The following REN variants were observed in gnomAD, a reference collection of about 807,000 sequenced individuals.
The protein encoded by REN is renin.
Under a neutral mutation model 48.6 loss-of-function variants are expected in REN, and 42 were observed. The ratio of observed to expected loss-of-function variants is 0.86; its 90% CI spans 0.68 to 1.12. The LOEUF (loss-of-function observed/expected upper bound fraction) is 1.12. Ranked by LOEUF, REN falls within the 50% of genes most tolerant of loss-of-function variation. The pLI is 0.00. For missense variants in REN, 443 were observed against 527.3 expected, an observed-to-expected ratio of 0.84 and a Z score of 1.57; for synonymous variants, 196 against 204.6, an observed-to-expected ratio of 0.96 and a Z score of 0.36.
chr1:204,163,176 C>G (rs1368118818), intron 1 of REN, among the ~76,000 whole-genome samples: 1 of 152,218 alleles, frequency 6.6e-6, no homozygotes, highest in Non-Finnish European at 1.5e-5. Context: ...CTTTCCCATA[C>G]ACACAAAGAT....
chr1:204,160,925 C>G (rs1219622301), intron 3 of REN, among the ~76,000 whole-genome samples: 1 of 152,062 alleles, frequency 6.6e-6, no homozygotes. Flanking sequence ...ACTGATAACA[C>G]CAGAGAAGAT....
Position 204,161,371 on chromosome 1 carries a change from G to A in REN, c.294C>T (p.Thr98=). Residue 98 remains threonine (T), a synonymous_variant, in exon 3 of 10, where the codon ACC becomes ACT. Transcript: ENST00000272190. ...GEIGIGTPPQ[T]FKVVFDTGSS... The stretch of plus-strand genomic sequence containing the variant: ...AACCAGTGTCAAAGACGACTTTGAA[G>A]GTCTGGGGTGGGGTGCCGATGCCAA... 3 of 1,606,288 alleles carry A rather than the reference G, an allele frequency of 1.9e-6. No homozygotes were observed. The highest frequency in any genetic ancestry group is 2.6e-6 in the Non-Finnish European group (3 of 1,176,320).
At chr1:204,162,205 C>A in intron 1 of REN, 42 bp from the exon 2 acceptor site, 1 of 1,609,972 alleles carries the variant, frequency 6.2e-7, no homozygotes, top group Non-Finnish European at 8.5e-7. Flanking sequence ...AAGTGCTGTA[C>A]CTCCACCACA....
At position 204,154,978 on chromosome 1, in the gene REN, A is replaced by G. The variant is rs1025985435; in HGVS notation, c.*38T>C. On this transcript the variant is annotated 3_prime_UTR_variant, in exon 10 of 10. Transcript: ENST00000272190. ...TCAGAGAGTGTTCCAGCTCTGGGCC[A>G]GGGCTGAAGGCAGGGCCTGCCTGGG... 2.5e-6 allele frequency: 4 copies of G among 1,611,220 alleles called. No homozygotes were observed. The highest frequency in any genetic ancestry group is 1.7e-5 in the Admixed American group (1 of 60,000).
intron 1 of REN, among the ~76,000 whole-genome samples, chr1:204,162,750 G>A (rs1007622459): frequency 6.6e-6 from 1 of 152,250 alleles, no homozygotes; most frequent in African/African-American, 2.4e-5. Flanking sequence ...GGCTGTGGTG[G>A]AGTGGACCCC....
At position 204,162,179 on chromosome 1, in the gene REN, G is replaced by A; in HGVS notation, c.99-16C>T. On this transcript the variant is annotated splice_polypyrimidine_tract_variant and intron_variant, in intron 1 of 9. Transcript: ENST00000272190. ...GAGGAAGATCCTGGCCCAGGGTGGA[G>A]GAAGCAAAAATAGAAAAGTGCTGTA... 2 of 1,613,842 alleles carry A rather than the reference G, an allele frequency of 1.2e-6. No homozygotes were observed. Among genetic ancestry groups the A allele is most frequent in the Non-Finnish European group, 1.7e-6 (2 of 1,179,918 alleles).
chr1:204,159,971 C>T (rs1410182433), intron 4 of REN, among the ~76,000 whole-genome samples: 1 of 152,174 alleles, frequency 6.6e-6, no homozygotes, highest in Non-Finnish European at 1.5e-5. Context: ...CAAGCTTGCC[C>T]TTCTCCCTCC....
chr1:204,164,505 T>C (rs946972483), intron 1 of REN, among the ~76,000 whole-genome samples: 2 of 151,168 alleles, frequency 1.3e-5, no homozygotes, highest in East Asian at 3.9e-4. Flanking sequence ...TGTCCCCAGA[T>C]TGAAAACCCC....
intron 1 of REN, among the ~76,000 whole-genome samples, chr1:204,163,884 C>T (rs923205193): frequency 6.6e-6 from 1 of 152,204 alleles, no homozygotes; most frequent in Non-Finnish European, 1.5e-5. Flanking sequence ...TAACAATGGG[C>T]CTAATGGTAG....
At position 204,156,305 on chromosome 1, in the gene REN, G is replaced by T; in HGVS notation, c.833C>A (p.Ser278Ter). The change falls in exon 8 of 10, where the codon TCA becomes TAA. Residue 278 changes from serine (S) to a stop codon, truncating the protein, a stop_gained. Transcript: ENST00000272190. LOFTEE classifies it high-confidence loss of function. The surrounding 1 kb of genome is among the most constrained non-coding windows in gnomAD (Gnocchi z 4.2). Reference sequence around the variant, plus strand: ...GCCGTCTTCACAGAGCAAGGTGGATGACCCCACAGACACCCTGGGGGAGGC... The same window carrying T: ...GCCGTCTTCACAGAGCAAGGTGGATTACCCCACAGACACCCTGGGGGAGGC... ...QIQMKGVSVG[S>*]STLLCEDGCL... The T allele has an allele frequency of 6.2e-7, 1 of 1,612,890 alleles. No homozygotes were observed. The highest frequency in any genetic ancestry group is 1.1e-5 in the South Asian group (1 of 91,050).
rs1282945356 is a variant in REN, at chr1:204,156,054, T to C, written c.960+124A>G. 2 of 1,487,092 alleles carry C rather than the reference T, an allele frequency of 1.3e-6. No homozygotes were observed. Among genetic ancestry groups the C allele is most frequent in the Non-Finnish European group, 1.9e-6 (2 of 1,067,166 alleles). 92.1% of individuals were successfully genotyped at this position (1,487,092 alleles called of 1,614,324 possible). The stretch of plus-strand genomic sequence containing the variant: ...CCCGCCCCATGGGTGACCAGCCACA[T>C]GTGTGGAGAGTGTGAGGTGAACAAG... On this transcript the variant is annotated intron_variant, in intron 8 of 9. Coordinates refer to ENST00000272190, the MANE Select transcript of REN (RefSeq NM_000537.4). The surrounding 1 kb of genome is among the most constrained non-coding windows in gnomAD (Gnocchi z 4.2).
At position 204,159,524 on chromosome 1, in the gene REN, G is replaced by A. The variant is rs777368574; in HGVS notation, c.564C>T (p.Ala188=). ...CCATGCCCACAACCCCATCAAACTC[G>A]GCCAGCATGAAGGGTAAGGCGGGCA... ...TEMPALPFML[A]EFDGVVGMGF... The change falls in exon 5 of 10, where the codon GCC becomes GCT. Residue 188 remains alanine, a synonymous_variant. Transcript: ENST00000272190. 1.5e-5 allele frequency: 25 copies of A among 1,614,112 alleles called. No homozygotes were observed. Among genetic ancestry groups the A allele is most frequent in the East Asian group, 6.7e-5 (3 of 44,866 alleles).
intron 3 of REN, 69 bp downstream of exon 3, chr1:204,161,223 T>C (rs1658240169): frequency 6.7e-6 from 10 of 1,493,234 alleles, no homozygotes; most frequent in Non-Finnish European, 8.9e-6. Flanking sequence ...AGCTGGGTGT[T>C]GGGCAGGATT....
rs1571645190 is a variant in REN at position 204,156,929 on chromosome 1, C to T, written c.699-133G>A. On this transcript the variant is annotated intron_variant, in intron 6 of 9. Coordinates refer to ENST00000272190, the MANE Select transcript of REN (RefSeq NM_000537.4). The surrounding 1 kb of genome is among the most constrained non-coding windows in gnomAD (Gnocchi z 4.2). ...GAGCAGAGGAATGTGGGACAGACAG[C>T]CAGGCTCGGAGCTGTCGTTGGGAAG... 1.7e-6 allele frequency: 2 copies of T among 1,172,742 alleles called. No homozygotes were observed. The highest frequency in any genetic ancestry group is 1.5e-5 in the African/African-American group (1 of 66,454). 72.6% of individuals were successfully genotyped at this position (1,172,742 alleles called of 1,614,324 possible). A position where few individuals can be genotyped will look rare whatever the true frequency, so the allele number is the denominator to read the frequency against.
Position 204,162,128 on chromosome 1 carries a change from C to T in REN, c.134G>A (p.Ser45Asn). 3 of 1,614,150 alleles carry T rather than the reference C, an allele frequency of 1.9e-6. No individual in the cohort carries two copies. The highest frequency in any genetic ancestry group is 1.7e-6 in the Non-Finnish European group (2 of 1,180,022). Residue 45 changes from serine (S) to asparagine (N), a missense_variant, in exon 2 of 10, where the codon AGC becomes AAC. Physicochemically the swap from Ser to Asn is conservative, Grantham distance 46 (BLOSUM62 1). Coordinates refer to ENST00000272190, the MANE Select transcript of REN (RefSeq NM_000537.4). Reference protein sequence around the residue: ...FLKRMPSIRESLKERGVDMAR... With the variant: ...FLKRMPSIRENLKERGVDMAR... ...CATGTCCACACCTCGTTCCTTCAGGCTTTCTCGGATTGAGGGCATTCTCTT... is the reference window on the plus strand; with the variant it reads ...CATGTCCACACCTCGTTCCTTCAGGTTTTCTCGGATTGAGGGCATTCTCTT...
rs202166291 is a variant in REN at position 204,157,383 on chromosome 1, G to C, written c.690-14C>G. ...TACTCGGAATCTCTGCAGAGAAAGA[G>C]AGACAGCAGAAAGGAAGCTTCATTT... On this transcript the variant is annotated splice_polypyrimidine_tract_variant and intron_variant, in intron 5 of 9. Transcript: ENST00000272190. 27 of 1,614,276 alleles carry C rather than the reference G, an allele frequency of 1.7e-5. No individual in the cohort carries two copies. The East Asian group carries it at 2.5e-4, about 15-fold the overall frequency.
chr1:204,161,264 G>A (rs1271047174), intron 3 of REN, 28 bp downstream of exon 3: 5 of 1,575,550 alleles, frequency 3.2e-6, no homozygotes, highest in South Asian at 2.4e-5. Flanking sequence ...GGGGATGGAG[G>A]AGAGGCACTG....
Position 204,156,365 on chromosome 1 carries a change from A to G in REN, c.819-46T>C. 2 of 1,240,456 alleles carry G rather than the reference A, an allele frequency of 1.6e-6. No individual in the cohort carries two copies. Among genetic ancestry groups the G allele is most frequent in the Non-Finnish European group, 2.2e-6 (2 of 919,888 alleles). The allele number at this position is 1,240,456 out of a possible 1,614,324, so 76.8% of individuals were successfully genotyped here. A position where few individuals can be genotyped will look rare whatever the true frequency, so the allele number is the denominator to read the frequency against. On this transcript the variant is annotated intron_variant, in intron 7 of 9. Transcript: ENST00000272190. This position sits in a 1 kb window ranked among gnomAD's most constrained non-coding sequence, Gnocchi z 4.2. Reference sequence around the variant, plus strand: ...ACAGACAGACAGACAGACAGACAGAAGGCTGATGGGGCACCTCCAGGCTGC... The same window carrying G: ...ACAGACAGACAGACAGACAGACAGAGGGCTGATGGGGCACCTCCAGGCTGC...
chr1:204,157,490 G>A (rs1442151224), intron 5 of REN, 121 bp from the exon 6 acceptor site: 2 of 1,422,864 alleles, frequency 1.4e-6, no homozygotes, highest in Non-Finnish European at 2.0e-6. Flanking sequence ...GAGTCACCAA[G>A]AGGCGAAGTC....
Sources: gnomAD v4.1 joint callset for allele counts (sites outside exome capture counted in the v4.1 genomes callset) on GRCh38, gnomAD v4.1.1 for gene constraint, Gnocchi (gnomAD v3.1) non-coding constraint, MANE v1.5 for transcripts, NCBI Gene and HGNC (gene_info 2026-07-23, HGNC 2026-07-21) for gene names.